The following CHODL variants were observed in gnomAD, a reference collection of about 807,000 sequenced individuals.
CHODL encodes the protein transmembrane protein MT75.
A neutral mutation model predicts 34.5 loss-of-function variants in CHODL; 29 were observed. That is an observed-to-expected ratio of 0.84 (90% CI 0.63 to 1.15). CHODL has a LOEUF of 1.15. Ranked by LOEUF, CHODL falls within the 50% of genes most tolerant of loss-of-function variation. CHODL has a pLI of 0.00. For missense variants in CHODL, 332 were observed against 332.5 expected (o/e 1.00, Z 0.01); for synonymous variants, 125 against 116.1 (o/e 1.08, Z -0.49).
chr21:18,123,035 A>T (rs1182065384), intron 2 of CHODL, among the ~76,000 whole-genome samples: 2 of 152,250 alleles, frequency 1.3e-5, no homozygotes, highest in African/African-American at 4.8e-5. Context: ...AGGGCTTAAC[A>T]TCAAAACGTC....
chr21:18,103,328 A>G (rs2065237458), intron 2 of CHODL, among the ~76,000 whole-genome samples: 1 of 152,208 alleles, frequency 6.6e-6, no homozygotes, highest in South Asian at 2.1e-4. Context: ...TAGAGGTACT[A>G]AGAAATAAGG....
intron 2 of CHODL, among the ~76,000 whole-genome samples, chr21:18,227,645 G>A (rs1460628117): frequency 6.6e-6 from 1 of 152,128 alleles, no homozygotes; most frequent in Non-Finnish European, 1.5e-5. Flanking sequence ...GGAGGACAGG[G>A]AAATTGATAT....
chr21:18,025,520 C>T (rs1039454767), intron 1 of CHODL, among the ~76,000 whole-genome samples: 10 of 152,066 alleles, frequency 6.6e-5, no homozygotes, highest in African/African-American at 2.4e-4. Context: ...AAATCTATGT[C>T]CCTCTACTTC....
intron 2 of CHODL, among the ~76,000 whole-genome samples, chr21:18,201,704 A>T (rs1306122928): frequency 6.6e-6 from 1 of 151,964 alleles, no homozygotes; most frequent in East Asian, 1.9e-4. Flanking sequence ...TTTGGATTTT[A>T]GAGGTTGTGT....
At chr21:17,988,131 C>G (rs1017159758) in intron 1 of CHODL, among the ~76,000 whole-genome samples, 2 of 152,254 alleles carry the variant, frequency 1.3e-5, no homozygotes. Flanking sequence ...CCAGCAGTTG[C>G]AAAACGCATT....
intron 1 of CHODL, among the ~76,000 whole-genome samples, chr21:17,997,654 ACTT>A (rs1467463375): frequency 2.0e-5 from 3 of 152,200 alleles, no homozygotes; most frequent in African/African-American, 4.8e-5. Context: ...GATGAAAGGC[ACTT>A]CTTACATGGT....
intron 2 of CHODL, among the ~76,000 whole-genome samples, chr21:18,149,448 T>C (rs936326014): frequency 6.6e-6 from 1 of 152,122 alleles, no homozygotes; most frequent in Non-Finnish European, 1.5e-5. Flanking sequence ...TACAAGAAAT[T>C]TGGGGGGGTT....
At chr21:18,146,001 C>G (rs2072882151) in intron 2 of CHODL, among the ~76,000 whole-genome samples, 1 of 152,036 alleles carries the variant, frequency 6.6e-6, no homozygotes, top group South Asian at 2.1e-4. Context: ...CGGAGTCTCA[C>G]TCTGTCACCC....
intron 1 of CHODL, among the ~76,000 whole-genome samples, chr21:17,917,749 C>T (rs1259237671): frequency 6.6e-6 from 1 of 152,154 alleles, no homozygotes; most frequent in South Asian, 2.1e-4. Context: ...TGTCTATCTG[C>T]TGGGACACAG....
intron 1 of CHODL, among the ~76,000 whole-genome samples, chr21:17,959,711 T>C (rs1260140664): frequency 6.6e-6 from 1 of 152,192 alleles, no homozygotes; most frequent in East Asian, 1.9e-4. Flanking sequence ...CTGAGTCAGT[T>C]GGCATTTATA....
intron 2 of CHODL, among the ~76,000 whole-genome samples, chr21:18,094,835 A>C (rs2065119354): frequency 6.6e-6 from 1 of 152,078 alleles, no homozygotes; most frequent in African/African-American, 2.4e-5. Flanking sequence ...TAACAGAAAA[A>C]AATAATAACC....
At chr21:17,964,365 A>T (rs962177775) in intron 1 of CHODL, among the ~76,000 whole-genome samples, 1 of 152,252 alleles carries the variant, frequency 6.6e-6, no homozygotes, top group Non-Finnish European at 1.5e-5. Flanking sequence ...ACACACACGC[A>T]CACATGCGTG....
rs533800805 is a variant in CHODL at position 18,030,859 on chromosome 21, G to A, written c.-45+2888G>A. ...TTGCTACCTTAGAAAAATAGTAGAG[G>A]TATGTGGAATTTAAAGTCATGTAGC... On this transcript the variant is annotated intron_variant, in intron 2 of 6. Transcript: ENST00000400127. Among the ~76,000 whole-genome samples, 6 of 152,238 alleles carry A rather than the reference G, an allele frequency of 3.9e-5. No individual in the cohort carries two copies. The South Asian group carries it at 1.2e-3, about 32-fold the overall frequency.
intron 1 of CHODL, among the ~76,000 whole-genome samples, chr21:17,991,421 A>G (rs1290539012): frequency 6.6e-6 from 1 of 152,062 alleles, no homozygotes; most frequent in African/African-American, 2.4e-5. Context: ...CATTCCCACC[A>G]ACAATGTATA....
chr21:18,144,769 T>C (rs145619933), intron 2 of CHODL, among the ~76,000 whole-genome samples: 1 of 151,954 alleles, frequency 6.6e-6, no homozygotes, highest in Non-Finnish European at 1.5e-5. Context: ...TTTCTTTCTA[T>C]GGTATCATTG....
At chr21:18,217,203 T>G (rs1370591349) in intron 2 of CHODL, among the ~76,000 whole-genome samples, 1 of 152,286 alleles carries the variant, frequency 6.6e-6, no homozygotes, top group Admixed American at 6.5e-5. Flanking sequence ...TAGTTTTATT[T>G]TTAGTTTTCT....
At chr21:18,065,060 T>C (rs978316755) in intron 2 of CHODL, among the ~76,000 whole-genome samples, 3 of 152,218 alleles carry the variant, frequency 2.0e-5, no homozygotes, top group Admixed American at 6.5e-5. Flanking sequence ...ATCTGAAGGA[T>C]AGCATTCATG....
chr21:18,197,696 G>T (rs566626588), intron 2 of CHODL, among the ~76,000 whole-genome samples: 107 of 152,202 alleles, frequency 7.0e-4, no homozygotes, highest in Non-Finnish European at 1.2e-3. Flanking sequence ...GGTTTGAAGA[G>T]TAAAACCGAG....
At chr21:18,070,439 G>A (rs1159138194) in intron 2 of CHODL, among the ~76,000 whole-genome samples, 1 of 151,532 alleles carries the variant, frequency 6.6e-6, no homozygotes, top group Non-Finnish European at 1.5e-5. Flanking sequence ...TGGTACTGAA[G>A]TATAGCTAGG....
Sources: gnomAD v4.1 joint callset for allele counts (sites outside exome capture counted in the v4.1 genomes callset) on GRCh38, gnomAD v4.1.1 for gene constraint, MANE v1.5 for transcripts, NCBI Gene and HGNC (gene_info 2026-07-23, HGNC 2026-07-21) for gene names.